TANGO6: variants seen among roughly 807,000 people sequenced by gnomAD.
The protein encoded by TANGO6 is transport and Golgi organization protein 6 homolog.
Under a neutral mutation model 114.2 loss-of-function variants are expected in TANGO6, and 90 were observed. The observed-to-expected ratio is 0.79, with a 90% CI of 0.66 to 0.94. The LOEUF is 0.94. Ranked by LOEUF, TANGO6 falls within the 40% of genes least tolerant of loss-of-function variation. TANGO6 has a pLI of 0.00. For synonymous variants in TANGO6, 477 were observed against 509.8 expected (o/e 0.94, Z 0.87); for missense variants, 1,274 against 1,315.3 (o/e 0.97, Z 0.49).
chr16:68,859,848 A>G (rs770008600), intron 1 of TANGO6, 36 bp from the exon 2 acceptor site: 86 of 1,516,456 alleles, frequency 5.7e-5, no homozygotes, highest in Non-Finnish European at 7.0e-5. Context: ...CTTGTTTTCT[A>G]TGTGTATAAA....
intron 7 of TANGO6, among the ~76,000 whole-genome samples, chr16:68,887,572 A>G (rs115084344): frequency 0.029 from 4,367 of 152,224 alleles, 96 homozygotes; most frequent in African/African-American, 0.064. Flanking sequence ...GAAGGATTGC[A>G]TATTAGAAAT....
intron 14 of TANGO6, among the ~76,000 whole-genome samples, chr16:68,941,401 G>GT (rs977754672): frequency 5.5e-4 from 81 of 148,532 alleles, no homozygotes; most frequent in African/African-American, 1.6e-3. Flanking sequence ...AATCTATTAG[G>GT]TTTTTTTTTT....
intron 11 of TANGO6, among the ~76,000 whole-genome samples, chr16:68,913,737 G>T (rs1962960888): frequency 6.6e-6 from 1 of 151,644 alleles, no homozygotes; most frequent in Admixed American, 6.6e-5. Flanking sequence ...AGAAAAATAA[G>T]AAAAAAAGGA....
chr16:68,890,750 G>A (rs1597007271), intron 7 of TANGO6, among the ~76,000 whole-genome samples: 1 of 152,026 alleles, frequency 6.6e-6, no homozygotes, highest in Non-Finnish European at 1.5e-5. Context: ...GCCAGGCGTG[G>A]TGGCTCATGT....
intron 17 of TANGO6, among the ~76,000 whole-genome samples, chr16:69,067,115 T>C (rs1055632780): frequency 1.3e-5 from 2 of 152,138 alleles, no homozygotes; most frequent in African/African-American, 4.8e-5. Flanking sequence ...CAGGCTGGCC[T>C]CAAACTCCTG....
At chr16:69,012,581 A>AAAAAAAAACG (rs1567558458) in intron 15 of TANGO6, among the ~76,000 whole-genome samples, 1 of 111,994 alleles carries the variant, frequency 8.9e-6, no homozygotes, top group Non-Finnish European at 1.9e-5. Flanking sequence ...AAAAAAAAGG[A>AAAAAAAAACG]AAAAAAAAAA....
intron 17 of TANGO6, among the ~76,000 whole-genome samples, chr16:69,075,795 C>T (rs1960365932): frequency 6.8e-6 from 1 of 146,170 alleles, no homozygotes; most frequent in African/African-American, 2.5e-5. Flanking sequence ...GACAGAGTCT[C>T]ACTCTGTGTT....
chr16:69,013,478 G>T (rs555128006), intron 15 of TANGO6, among the ~76,000 whole-genome samples: 1 of 151,852 alleles, frequency 6.6e-6, no homozygotes, highest in Non-Finnish European at 1.5e-5. Flanking sequence ...TCAGCTGGGC[G>T]TGGTGGCATG....
chr16:68,859,896 G>A lies in TANGO6; in HGVS notation c.107G>A (p.Ser36Asn). The change falls in exon 2 of 18, where the codon AGT (serine) becomes AAT (asparagine). Residue 36 changes from serine (S) to asparagine (N), a missense_variant. Ser to Asn is a conservative substitution (Grantham distance 46, BLOSUM62 1). This residue lies in a region of TANGO6 where 114 missense variants were observed against 104.6 expected (regional missense o/e 1.09). Transcript: ENST00000261778. ...TCTTCTTCAAAAGGCTCGGGCTCAA[G>A]TTCACTACAGGTCACAAAACATGAT... ...LLLSPGGSGS[S>N]SLQVTKHDVL... 1 of 1,576,044 alleles carries A rather than the reference G, an allele frequency of 6.3e-7. No individual in the cohort carries two copies. The highest frequency in any genetic ancestry group is 8.6e-7 in the Non-Finnish European group (1 of 1,163,094).
chr16:69,071,396 A>T (rs913777375), intron 17 of TANGO6, among the ~76,000 whole-genome samples: 1 of 152,224 alleles, frequency 6.6e-6, no homozygotes, highest in African/African-American at 2.4e-5. Flanking sequence ...AACCTCTGCT[A>T]GATCACCGTG....
chr16:68,846,993 C>T (rs113116554), intron 1 of TANGO6: 16,545 of 151,338 alleles, frequency 0.11, 918 homozygotes, highest in Non-Finnish European at 0.13. Flanking sequence ...CGGATTCAAG[C>T]GATTCTCCTG....
chr16:68,928,346 C>G (rs537546888), intron 13 of TANGO6, among the ~76,000 whole-genome samples: 2 of 143,976 alleles, frequency 1.4e-5, no homozygotes, highest in South Asian at 4.4e-4. Flanking sequence ...GCTCTGTCCC[C>G]CAGGCTGGAG....
chr16:69,023,455 C>CA (rs925540394), intron 16 of TANGO6, among the ~76,000 whole-genome samples: 4 of 150,934 alleles, frequency 2.7e-5, no homozygotes, highest in South Asian at 2.1e-4. Context: ...GATTCTGTCT[C>CA]AAAAAAAACA....
chr16:68,847,741 TG>T (rs1446849862), intron 1 of TANGO6, among the ~76,000 whole-genome samples: 1 of 152,198 alleles, frequency 6.6e-6, no homozygotes, highest in Non-Finnish European at 1.5e-5. Context: ...AGCTCACACC[TG>T]TAATCCTAGC....
chr16:68,951,674 G>A (rs188311948), intron 14 of TANGO6, among the ~76,000 whole-genome samples: 4 of 149,148 alleles, frequency 2.7e-5, no homozygotes, highest in Admixed American at 1.3e-4. Flanking sequence ...GTGCAGTGGC[G>A]TGATCTCAGC....
intron 14 of TANGO6, among the ~76,000 whole-genome samples, chr16:68,949,846 T>C (rs1208179710): frequency 6.6e-6 from 1 of 151,992 alleles, no homozygotes; most frequent in Non-Finnish European, 1.5e-5. Context: ...TATATATATA[T>C]AGGCATTATT....
At chr16:68,856,394 TTGAG>T (rs1374018587) in intron 1 of TANGO6, among the ~76,000 whole-genome samples, 13 of 152,230 alleles carry the variant, frequency 8.5e-5, no homozygotes, top group Non-Finnish European at 1.5e-5. Context: ...ATCACACTGA[TTGAG>T]TGTCAAGTGT....
At chr16:68,882,356 G>T (rs1447676591) in intron 7 of TANGO6, among the ~76,000 whole-genome samples, 1 of 151,892 alleles carries the variant, frequency 6.6e-6, no homozygotes, top group Non-Finnish European at 1.5e-5. Flanking sequence ...AATTAGCCGG[G>T]CGTGGTGGCA....
At chr16:68,888,310 T>C (rs1227031942) in intron 7 of TANGO6, among the ~76,000 whole-genome samples, 1 of 152,188 alleles carries the variant, frequency 6.6e-6, no homozygotes, top group African/African-American at 2.4e-5. Flanking sequence ...TGAGAAGGAT[T>C]AATAGTGTAT....
Sources: allele counts gnomAD v4.1 joint callset (sites outside exome capture counted in the v4.1 genomes callset), GRCh38; gene constraint gnomAD v4.1.1; regional missense constraint gnomAD v4.1.1; transcripts MANE v1.5; gene names NCBI Gene and HGNC (gene_info 2026-07-23, HGNC 2026-07-21).